Variants in CKM observed in about 807,000 individuals in gnomAD.
CKM encodes the protein creatine kinase M-type.
A neutral mutation model predicts 35.4 loss-of-function variants in CKM; 28 were observed. That is an observed-to-expected ratio of 0.79 (90% confidence interval 0.59 to 1.08). CKM has a LOEUF of 1.08. CKM is among the 50% of genes least tolerant of loss of function. CKM has a pLI of 0.00. For synonymous variants in CKM, 215 were observed against 204.4 expected (o/e 1.05, Z -0.44); for missense variants, 484 against 509.8 (o/e 0.95, Z 0.49).
At chr19:45,317,222 C>T (rs1467041018) in intron 3 of CKM, among the ~76,000 whole-genome samples, 1 of 152,192 alleles carries the variant, frequency 6.6e-6, no homozygotes, top group Non-Finnish European at 1.5e-5. Context: ...ATTTTCCTGC[C>T]TCCACCTCCT....
chr19:45,310,759 CTTTTTTTTTT>C (rs3047558), intron 5 of CKM, among the ~76,000 whole-genome samples: 1 of 50,264 alleles, frequency 2.0e-5, no homozygotes, highest in Non-Finnish European at 3.5e-5. Flanking sequence ...TCACGCCTGG[CTTTTTTTTTT>C]TTTTTTTTTT....
chr19:45,309,649 G>A (rs895752344), intron 5 of CKM, among the ~76,000 whole-genome samples: 1 of 151,818 alleles, frequency 6.6e-6, no homozygotes, highest in African/African-American at 2.4e-5. Flanking sequence ...ATCACTTAAG[G>A]TGAAGAGTTC....
chr19:45,319,696 G>T lies in CKM; in HGVS notation c.18C>A (p.Thr6=), dbSNP rs1057117362. 1 of 1,614,206 alleles carries T rather than the reference G, an allele frequency of 6.2e-7. No individual in the cohort carries two copies. The highest frequency in any genetic ancestry group is 8.5e-7 in the Non-Finnish European group (1 of 1,180,034). The part of the protein sequence containing the change: MPFGN[T]HNKFKLNYKP... ...TGTAATTCAGCTTGAACTTGTTGTG[G>T]GTGTTACCGAATGGCATGGTGGCGG... The change falls in exon 2 of 8, where the codon ACC becomes ACA. Residue 6 remains threonine (T), a synonymous_variant. Coordinates refer to ENST00000221476, the MANE Select transcript of CKM (RefSeq NM_001824.5).
At chr19:45,320,960 G>GC (rs1971208273) in intron 1 of CKM, among the ~76,000 whole-genome samples, 1 of 151,572 alleles carries the variant, frequency 6.6e-6, no homozygotes, top group Non-Finnish European at 1.5e-5. Context: ...GAGTGCAGTG[G>GC]CATAATCTCA....
chr19:45,312,551 T>C (rs1184649862), intron 4 of CKM, among the ~76,000 whole-genome samples: 2 of 151,808 alleles, frequency 1.3e-5, no homozygotes, highest in African/African-American at 4.8e-5. Flanking sequence ...GCCTCTCAAG[T>C]ACCTGGGATT....
chr19:45,311,511 C>A (rs577728296), intron 5 of CKM, among the ~76,000 whole-genome samples: 29 of 152,342 alleles, frequency 1.9e-4, no homozygotes, highest in African/African-American at 6.0e-4. Context: ...CAGGCATGAG[C>A]CACCGTGCCC....
At chr19:45,316,931 C>T (rs1971164080) in intron 3 of CKM, among the ~76,000 whole-genome samples, 2 of 151,914 alleles carry the variant, frequency 1.3e-5, no homozygotes, top group South Asian at 2.1e-4. Flanking sequence ...ATGATCCGCC[C>T]ACCTCAGCCT....
At chr19:45,311,967 C>T (rs778321115) in intron 4 of CKM, 47 bp from the exon 5 acceptor site, 4 of 1,608,008 alleles carry the variant, frequency 2.5e-6, no homozygotes, top group Admixed American at 3.3e-5. Flanking sequence ...CCCACCTCAA[C>T]CAGGGTGTGG....
intron 5 of CKM, among the ~76,000 whole-genome samples, chr19:45,310,311 G>A (rs553578642): frequency 3.4e-4 from 52 of 151,764 alleles, no homozygotes; most frequent in Middle Eastern, 3.4e-3. Context: ...TAGTAGAGAC[G>A]GGGTTTCACC....
At chr19:45,317,569 G>A (rs964486922) in intron 3 of CKM, among the ~76,000 whole-genome samples, 10 of 150,730 alleles carry the variant, frequency 6.6e-5, no homozygotes, top group African/African-American at 2.4e-4. Flanking sequence ...TTACAGGCGT[G>A]AGCCACCGCC....
chr19:45,316,052 G>A (rs1971155095), intron 3 of CKM, among the ~76,000 whole-genome samples: 1 of 151,794 alleles, frequency 6.6e-6, no homozygotes, highest in Non-Finnish European at 1.5e-5. Context: ...GACAGGGGCT[G>A]GGCGCGGTGG....
chr19:45,313,813 T>C (rs2123138111), intron 4 of CKM, among the ~76,000 whole-genome samples: 1 of 152,280 alleles, frequency 6.6e-6, no homozygotes. Context: ...ACCACTGCAC[T>C]CCAGCCTGGG....
intron 4 of CKM, among the ~76,000 whole-genome samples, chr19:45,312,479 A>G (rs903414615): frequency 2.0e-5 from 3 of 151,284 alleles, no homozygotes; most frequent in African/African-American, 7.3e-5. Flanking sequence ...CTGGAGCGCA[A>G]TGGCGCGATC....
At chr19:45,312,421 C>CTT (rs1249373380) in intron 4 of CKM, among the ~76,000 whole-genome samples, 10 of 142,290 alleles carry the variant, frequency 7.0e-5, no homozygotes, top group Admixed American at 1.4e-4. Context: ...AGACCCCCAT[C>CTT]TTTTTTTTTT....
In CKM at chr19:45,313,409, A is replaced by G. The variant is rs915770655; in HGVS notation, c.482-1489T>C. Among the ~76,000 whole-genome samples the G allele has an allele frequency of 4.6e-5, 7 of 152,280 alleles. No homozygotes were observed. The South Asian group carries it at 1.4e-3, about 32-fold the overall frequency. On this transcript the variant is annotated intron_variant, in intron 4 of 7. Coordinates refer to ENST00000221476, the MANE Select transcript of CKM (RefSeq NM_001824.5). ...GCTCGGACTGCCCCACTGACCAGCC[A>G]TTCCCTCATCTCTCCCCATCTCCTT...
At chr19:45,321,076 G>GTTTT in intron 1 of CKM, among the ~76,000 whole-genome samples, 1 of 131,046 alleles carries the variant, frequency 7.6e-6, no homozygotes, top group African/African-American at 2.8e-5. Context: ...TTTTTTTTTG[G>GTTTT]TATTTTTAGT....
intron 6 of CKM, 21 bp from the exon 7 acceptor site, chr19:45,307,671 CA>C (rs1168479074): frequency 6.2e-7 from 1 of 1,609,612 alleles, no homozygotes; most frequent in Admixed American, 1.7e-5. Flanking sequence ...GAGAGAGGAC[CA>C]GGGGTCAGCG....
chr19:45,320,890 C>CTATTATTATTATTATTAT (rs61014137), intron 1 of CKM, among the ~76,000 whole-genome samples: 146 of 146,322 alleles, frequency 1.0e-3, no homozygotes, highest in South Asian at 4.4e-3. Context: ...CACTTAGCTG[C>CTATTATTATTATTATTAT]TATTATTATT....
At position 45,317,350 on chromosome 19, in the gene CKM, C is replaced by T. The variant is rs17875606; in HGVS notation, c.348+475G>A. ...TTGCCCAGGCTGGAGTGCAATGGCACGATCTCTGCTCACCACAACCTCTGC... is the reference window on the plus strand; with the variant it reads ...TTGCCCAGGCTGGAGTGCAATGGCATGATCTCTGCTCACCACAACCTCTGC... On this transcript the variant is annotated intron_variant, in intron 3 of 7. Transcript: ENST00000221476. Among the ~76,000 whole-genome samples the T allele has an allele frequency of 3.4e-3, 516 of 152,182 alleles. 1 individual carries two copies. The highest frequency in any genetic ancestry group is 0.012 in the African/African-American group (497 of 41,532).
Sources: allele counts gnomAD v4.1 joint callset (sites outside exome capture counted in the v4.1 genomes callset), GRCh38; gene constraint gnomAD v4.1.1; transcripts MANE v1.5; gene names NCBI Gene and HGNC (gene_info 2026-07-23, HGNC 2026-07-21).